NIPSNAP2: variants seen among roughly 807,000 people sequenced by gnomAD.
NIPSNAP2 encodes the protein nipsnap homolog 2.
Under a neutral mutation model 48.4 loss-of-function variants are expected in NIPSNAP2, and 42 were observed. That is an observed-to-expected ratio of 0.87 (90% CI 0.68 to 1.12). NIPSNAP2 has a LOEUF of 1.12. Ranked by LOEUF, NIPSNAP2 falls within the 50% of genes most tolerant of loss-of-function variation. NIPSNAP2 has a pLI of 0.00. For synonymous variants in NIPSNAP2, 158 were observed against 126.6 expected, an observed-to-expected ratio of 1.25 and a Z score of -1.67; for missense variants, 314 against 347.3, an observed-to-expected ratio of 0.90 and a Z score of 0.76.
intron 1 of NIPSNAP2, 35 bp downstream of exon 1, chr7:55,964,736 G>T: frequency 1.9e-6 from 2 of 1,047,894 alleles, no homozygotes; most frequent in Non-Finnish European, 2.3e-6. Context: ...AGGTGCCGGG[G>T]AGGGGCCGCC....
At chr7:55,971,742 A>G (rs950632366) in intron 1 of NIPSNAP2, among the ~76,000 whole-genome samples, 4 of 152,134 alleles carry the variant, frequency 2.6e-5, no homozygotes, top group African/African-American at 9.7e-5. Context: ...TTTCAAAGGC[A>G]TCCTTTATCA....
intron 1 of NIPSNAP2, among the ~76,000 whole-genome samples, chr7:55,969,913 G>A (rs1024821734): frequency 4.0e-5 from 6 of 150,816 alleles, no homozygotes; most frequent in Middle Eastern, 3.2e-3. Context: ...AACCCGGGAG[G>A]CGGAACTTGC....
chr7:55,998,170 C>T (rs1211503759), intron 9 of NIPSNAP2, among the ~76,000 whole-genome samples: 5 of 151,578 alleles, frequency 3.3e-5, no homozygotes, highest in African/African-American at 1.2e-4. Context: ...GAGACTGAGG[C>T]AGGAGAATCG....
intron 7 of NIPSNAP2, chr7:55,992,010 C>T (rs1333065362): frequency 1.3e-5 from 2 of 155,614 alleles, no homozygotes; most frequent in Non-Finnish European, 2.9e-5. Context: ...TTAGAATGCA[C>T]ATTGAAGTGA....
rs899831365 is a variant in NIPSNAP2 at position 56,000,118 on chromosome 7, T to C, written c.*1046T>C. 1 of 152,674 alleles carries C rather than the reference T, an allele frequency of 6.5e-6. No homozygotes were observed. The highest frequency in any genetic ancestry group is 2.4e-5 in the African/African-American group (1 of 41,474). The allele number at this position is 152,674 out of a possible 1,614,324, so 9.5% of individuals were successfully genotyped here. ...AATCTCATATCAAATGTCAAACTTT[T>C]ACATGTGAATGATTTTCTCAAAGAA... On this transcript the variant is annotated 3_prime_UTR_variant, in exon 10 of 10. Coordinates refer to ENST00000322090, the MANE Select transcript of NIPSNAP2 (RefSeq NM_001483.3).
intron 7 of NIPSNAP2, chr7:55,991,842 G>C: frequency 3.7e-6 from 1 of 268,908 alleles, no homozygotes; most frequent in East Asian, 1.2e-4. Flanking sequence ...CTAAGATGGT[G>C]ACCACCTCGT....
intron 7 of NIPSNAP2, among the ~76,000 whole-genome samples, chr7:55,993,759 A>ACCTTTTG (rs1199352855): frequency 6.6e-6 from 1 of 151,964 alleles, no homozygotes; most frequent in Non-Finnish European, 1.5e-5. Context: ...AAGAGCTGAT[A>ACCTTTTG]CCTTTTGCAG....
intron 1 of NIPSNAP2, among the ~76,000 whole-genome samples, chr7:55,977,441 TAAAG>T (rs745987336): frequency 1.5e-4 from 23 of 152,300 alleles, no homozygotes; most frequent in African/African-American, 4.8e-4. Context: ...AAATTTTTTT[TAAAG>T]AAAGAATGTA....
chr7:55,982,253 A>T lies in NIPSNAP2; in HGVS notation c.417A>T (p.Glu139Asp), dbSNP rs1787230201. 1 of 1,608,308 alleles carries T rather than the reference A, an allele frequency of 6.2e-7. No individual in the cohort carries two copies. The highest frequency in any genetic ancestry group is 8.5e-7 in the Non-Finnish European group (1 of 1,175,156). Residue 139 changes from glutamate to aspartate, a missense_variant, in exon 5 of 10, where the codon GAA becomes GAT. This residue lies in a region of NIPSNAP2 where 198 missense variants were observed against 185.5 expected (regional missense o/e 1.07). Transcript: ENST00000322090. ...AAGGAGGCTATCCAGCCCTCACAGA[A>T]GTCATGAATAAACTCAGAGAAAATA... is the stretch of plus-strand genomic sequence containing the variant. ...RYEGGYPALT[E>D]VMNKLRENKE...
At chr7:55,978,450 G>A in intron 3 of NIPSNAP2, 55 bp downstream of exon 3, 1 of 1,446,526 alleles carries the variant, frequency 6.9e-7, no homozygotes, top group Non-Finnish European at 9.5e-7. Context: ...TTATTTGTTA[G>A]TTAATTCCAC....
chr7:55,978,422 TG>T, intron 3 of NIPSNAP2, 27 bp downstream of exon 3: 1 of 1,577,550 alleles, frequency 6.3e-7, no homozygotes, highest in Non-Finnish European at 8.6e-7. Flanking sequence ...ATCCTTTACT[TG>T]GGGAAAAATA....
chr7:55,970,309 A>ATTT (rs36009676), intron 1 of NIPSNAP2, among the ~76,000 whole-genome samples: 1 of 136,940 alleles, frequency 7.3e-6, no homozygotes. Flanking sequence ...TGACACTTAG[A>ATTT]TTTTTTTTTT....
rs868575017 is a variant in NIPSNAP2 at position 55,986,982 on chromosome 7, A to T, written c.617+2104A>T. Among the ~76,000 whole-genome samples the T allele has an allele frequency of 5.0e-3, 487 of 97,580 alleles. 8 individuals are homozygous for T. The highest frequency in any genetic ancestry group is 0.017 in the African/African-American group (460 of 27,606). 64.0% of individuals were successfully genotyped at this position (97,580 alleles called of 152,430 possible). A position where few individuals can be genotyped will look rare whatever the true frequency, so the allele number is the denominator to read the frequency against. The stretch of plus-strand genomic sequence containing the variant: ...GGCAACATGGTGAAACCCTGTCTCT[A>T]TAAAAAAAAAAAAAAAAAAAAAAAA... On this transcript the variant is annotated intron_variant, in intron 7 of 9. Transcript: ENST00000322090.
chr7:55,981,639 T>A, intron 4 of NIPSNAP2, 72 bp downstream of exon 4: 5 of 956,680 alleles, frequency 5.2e-6, no homozygotes, highest in Non-Finnish European at 8.2e-6. Context: ...ATTTTCTAAT[T>A]TAATGCTTGT....
chr7:55,997,269 A>C, intron 8 of NIPSNAP2, 97 bp from the exon 9 acceptor site: 1 of 875,852 alleles, frequency 1.1e-6, no homozygotes, highest in South Asian at 1.4e-5. Context: ...TCCCTGAGAA[A>C]ACTAGATGTC....
chr7:55,965,700 C>G (rs1786879500), intron 1 of NIPSNAP2, among the ~76,000 whole-genome samples: 1 of 152,124 alleles, frequency 6.6e-6, no homozygotes, highest in Non-Finnish European at 1.5e-5. Context: ...CCTGCCTCAT[C>G]CTCCCAAGTA....
intron 7 of NIPSNAP2, among the ~76,000 whole-genome samples, chr7:55,989,998 G>A (rs1376348992): frequency 6.7e-6 from 1 of 150,268 alleles, no homozygotes; most frequent in Non-Finnish European, 1.5e-5. Flanking sequence ...AGCACCTGTA[G>A]TCCCAGCTAC....
chr7:55,992,998 A>G (rs1241928261), intron 7 of NIPSNAP2, among the ~76,000 whole-genome samples: 5 of 152,030 alleles, frequency 3.3e-5, no homozygotes, highest in Non-Finnish European at 7.4e-5. Context: ...TGGTGCAAGT[A>G]TGAAAGGAAA....
At chr7:55,981,440 G>A in intron 3 of NIPSNAP2, 33 bp from the exon 4 acceptor site, 1 of 1,553,658 alleles carries the variant, frequency 6.4e-7, no homozygotes. Context: ...TTTGCTGGTT[G>A]TTTAATTAGT....
Sources: gnomAD v4.1 joint callset for allele counts (sites outside exome capture counted in the v4.1 genomes callset) on GRCh38, gnomAD v4.1.1 for gene constraint, gnomAD v4.1.1 regional missense constraint, MANE v1.5 for transcripts, NCBI Gene and HGNC (gene_info 2026-07-23, HGNC 2026-07-21) for gene names.